The following PCDH7 variants were observed in gnomAD, a reference collection of about 807,000 sequenced individuals.
PCDH7 encodes protocadherin-7.
A neutral mutation model predicts 58.9 loss-of-function variants in PCDH7; 17 were observed. The observed-to-expected ratio is 0.29, with a 90% CI of 0.20 to 0.43. The LOEUF is 0.43. Ranked by LOEUF, PCDH7 falls within the 20% of genes least tolerant of loss-of-function variation. The pLI, the probability that PCDH7 is intolerant of heterozygous loss-of-function variation, is 1.00. For missense variants in PCDH7, 1,274 were observed against 1,441.0 expected, an observed-to-expected ratio of 0.88 and a Z score of 1.88; for synonymous variants, 664 against 616.4, an observed-to-expected ratio of 1.08 and a Z score of -1.14.
chr4:31,109,583 T>C (rs988232753), intron 3 of PCDH7, among the ~76,000 whole-genome samples: 3 of 152,218 alleles, frequency 2.0e-5, no homozygotes, highest in South Asian at 2.1e-4. Flanking sequence ...TTTGAATGTG[T>C]TTATTTATTT....
chr4:31,066,990 C>T (rs1758143888), intron 3 of PCDH7, among the ~76,000 whole-genome samples: 1 of 151,922 alleles, frequency 6.6e-6, no homozygotes, highest in South Asian at 2.1e-4. Flanking sequence ...GAACCAGTTA[C>T]TGATCATGAT....
chr4:31,050,066 A>G (rs1349980685), intron 3 of PCDH7, among the ~76,000 whole-genome samples: 2 of 152,108 alleles, frequency 1.3e-5, no homozygotes, highest in African/African-American at 2.4e-5. Context: ...AGATATGGGC[A>G]TATCTCTCTG....
At chr4:31,121,928 G>C (rs1349302305) in intron 3 of PCDH7, among the ~76,000 whole-genome samples, 2 of 152,028 alleles carry the variant, frequency 1.3e-5, no homozygotes, top group Non-Finnish European at 2.9e-5. Flanking sequence ...CTCCTTGTTG[G>C]TTAGTAGCGC....
At chr4:30,739,889 T>G (rs1716841783) in intron 1 of PCDH7, among the ~76,000 whole-genome samples, 2 of 152,196 alleles carry the variant, frequency 1.3e-5, no homozygotes, top group Admixed American at 1.3e-4. Flanking sequence ...TCAGTTTTAG[T>G]GTTGTAATAT....
intron 1 of PCDH7, among the ~76,000 whole-genome samples, chr4:30,869,666 C>T (rs1241001307): frequency 6.6e-6 from 1 of 152,164 alleles, no homozygotes; most frequent in African/African-American, 2.4e-5. Flanking sequence ...GCCACAGTTT[C>T]TTTATCCAGT....
intron 3 of PCDH7, among the ~76,000 whole-genome samples, chr4:31,023,639 T>G (rs764459218): frequency 3.3e-5 from 5 of 152,182 alleles, no homozygotes; most frequent in Non-Finnish European, 5.9e-5. Flanking sequence ...ACTATTCATT[T>G]CGCTGCTCTC....
chr4:30,761,542 T>C (rs1388339088), intron 1 of PCDH7, among the ~76,000 whole-genome samples: 1 of 152,172 alleles, frequency 6.6e-6, no homozygotes, highest in African/African-American at 2.4e-5. Flanking sequence ...AAATTTAATC[T>C]TCAAAATCTG....
At chr4:30,992,422 C>T (rs1203918007) in intron 3 of PCDH7, among the ~76,000 whole-genome samples, 4 of 152,092 alleles carry the variant, frequency 2.6e-5, no homozygotes, top group Non-Finnish European at 5.9e-5. Flanking sequence ...CAACCTTATA[C>T]CGTTAGGGGG....
At chr4:30,898,886 T>C (rs1739825952) in intron 1 of PCDH7, among the ~76,000 whole-genome samples, 1 of 152,010 alleles carries the variant, frequency 6.6e-6, no homozygotes, top group African/African-American at 2.4e-5. Context: ...CCACGGCGCC[T>C]GGCCTGAAAT....
intron 3 of PCDH7, among the ~76,000 whole-genome samples, chr4:30,988,556 T>C (rs1317925634): frequency 6.6e-6 from 1 of 152,230 alleles, no homozygotes; most frequent in Non-Finnish European, 1.5e-5. Flanking sequence ...AATATAAATA[T>C]ATTCAATTTC....
rs568894989 is a variant in PCDH7, at chr4:30,754,035, T to C, written c.70+29439T>C. Among the ~76,000 whole-genome samples, 64 of 152,308 alleles carry C rather than the reference T, an allele frequency of 4.2e-4. 3 individuals carry two copies. The highest frequency in any genetic ancestry group is 1.4e-3 in the African/African-American group (59 of 41,568). On this transcript the variant is annotated intron_variant, in intron 1 of 3. Coordinates refer to the PCDH7 transcript ENST00000509759. ...TTAAAATATATTTTTATAAGTTACA[T>C]TGAAACCCTATACACACGCTTCTCC...
At chr4:31,032,018 T>C (rs1340220314) in intron 3 of PCDH7, among the ~76,000 whole-genome samples, 1 of 152,246 alleles carries the variant, frequency 6.6e-6, no homozygotes, top group Non-Finnish European at 1.5e-5. Context: ...AGATAAAGTA[T>C]AGAGCTACTT....
Position 30,722,635 on chromosome 4 carries a change from A to G in PCDH7, c.1213A>G (p.Ile405Val). ...CGACAAGGCCACCGTGGTCCTTAAC[A>G]TCAAAGACGAGAACGACAACGTGCC... Residue 405 changes from isoleucine to valine, a missense_variant, in exon 1 of 2, where the codon ATC becomes GTC. By Grantham distance (29) the Ile-to-Val change is conservative (BLOSUM62 3). Coordinates refer to ENST00000361762, the Ensembl canonical transcript of PCDH7. The surrounding 1 kb of genome is among the most constrained non-coding windows in gnomAD (Gnocchi z 7.6). 1 of 1,613,464 alleles carries G rather than the reference A, an allele frequency of 6.2e-7. No individual in the cohort carries two copies. The highest frequency in any genetic ancestry group is 8.5e-7 in the Non-Finnish European group (1 of 1,180,034).
At chr4:30,836,660 C>T (rs533059397) in intron 1 of PCDH7, among the ~76,000 whole-genome samples, 18 of 151,894 alleles carry the variant, frequency 1.2e-4, no homozygotes, top group African/African-American at 4.1e-4. Flanking sequence ...AAAACATGAC[C>T]AGGAGATCTA....
In PCDH7 at chr4:31,030,431, G is replaced by A. The variant is rs139744245; in HGVS notation, c.*7+80216G>A. Among the ~76,000 whole-genome samples, 5 of 152,254 alleles carry A rather than the reference G, an allele frequency of 3.3e-5. No homozygotes were observed. The East Asian group carries it at 9.7e-4, about 29-fold the overall frequency. ...GCTATCTGAAGACTAGCCAGGGTTA[G>A]CTATAGACAAAGAGGGAAAGAAAAA... On this transcript the variant is annotated intron_variant, in intron 3 of 3. Transcript: ENST00000509759.
rs1722631102 is a variant in PCDH7 at position 30,780,487 on chromosome 4, A to G, written c.70+55891A>G. On this transcript the variant is annotated intron_variant, in intron 1 of 3. Coordinates refer to the PCDH7 transcript ENST00000509759. ...GTGCCACTGCACTCCAGCTTGGGTGACAGAGCAAGACTCCGTCGAAAAGAA... is the reference window on the plus strand; with the variant it reads ...GTGCCACTGCACTCCAGCTTGGGTGGCAGAGCAAGACTCCGTCGAAAAGAA... Among the ~76,000 whole-genome samples, 2 of 151,742 alleles carry G rather than the reference A, an allele frequency of 1.3e-5. 1 individual carries two copies. The highest frequency in any genetic ancestry group is 1.3e-4 in the Admixed American group (2 of 15,230).
At chr4:30,834,903 T>TTATATA (rs761760746) in intron 1 of PCDH7, among the ~76,000 whole-genome samples, 46 of 148,826 alleles carry the variant, frequency 3.1e-4, no homozygotes, top group African/African-American at 9.7e-4. Context: ...AACATTGGTG[T>TTATATA]TATATATATA....
intron 3 of PCDH7, among the ~76,000 whole-genome samples, chr4:31,016,176 C>G (rs1175249658): frequency 6.6e-6 from 1 of 152,112 alleles, no homozygotes; most frequent in Non-Finnish European, 1.5e-5. Flanking sequence ...GACCAATGTT[C>G]AGGTTCTTTC....
At chr4:30,997,813 C>G (rs1156516034) in intron 3 of PCDH7, among the ~76,000 whole-genome samples, 1 of 152,006 alleles carries the variant, frequency 6.6e-6, no homozygotes, top group African/African-American at 2.4e-5. Flanking sequence ...TCAGGCCAAA[C>G]AAATTATCTT....
Sources: gnomAD v4.1 joint callset for allele counts (sites outside exome capture counted in the v4.1 genomes callset) on GRCh38, gnomAD v4.1.1 for gene constraint, Gnocchi (gnomAD v3.1) non-coding constraint, MANE v1.5 for transcripts, NCBI Gene and HGNC (gene_info 2026-07-23, HGNC 2026-07-21) for gene names.